ARHGAP12: variants seen among roughly 807,000 people sequenced by gnomAD.
ARHGAP12 encodes the protein rho GTPase-activating protein 12.
Under a neutral mutation model 108.6 loss-of-function variants are expected in ARHGAP12, and 64 were observed. The observed-to-expected ratio is 0.59, with a 90% CI of 0.48 to 0.73. The LOEUF is 0.73. Among genes scored for constraint, ARHGAP12 ranks in the 30% least tolerant of loss-of-function variants. The probability of loss-of-function intolerance (pLI) is 0.00; values close to 1 mark genes in which losing one functional copy is unlikely to be tolerated. For synonymous variants in ARHGAP12, 312 were observed against 337.2 expected, an observed-to-expected ratio of 0.93 and a Z score of 0.82; for missense variants, 940 against 1,005.9, an observed-to-expected ratio of 0.93 and a Z score of 0.89.
intron 3 of ARHGAP12, among the ~76,000 whole-genome samples, chr10:31,895,552 A>G (rs1031767074): frequency 3.9e-5 from 6 of 152,232 alleles, no homozygotes; most frequent in African/African-American, 1.2e-4. Context: ...ATACCATCTC[A>G]CACCAGTTAG....
At chr10:31,808,467 C>T in intron 19 of ARHGAP12, 182 bp downstream of exon 19, 1 of 537,030 alleles carries the variant, frequency 1.9e-6, no homozygotes, top group South Asian at 2.2e-5. Context: ...CTGTATTCTT[C>T]ATAGCAAATC....
At chr10:31,823,851 A>AAG in intron 11 of ARHGAP12, among the ~76,000 whole-genome samples, 1 of 152,162 alleles carries the variant, frequency 6.6e-6, no homozygotes, top group Non-Finnish European at 1.5e-5. Flanking sequence ...TTTTTGGCTT[A>AAG]CATTTTAGCC....
chr10:31,888,819 AAG>A (rs1204339883), intron 3 of ARHGAP12, among the ~76,000 whole-genome samples: 2 of 152,228 alleles, frequency 1.3e-5, no homozygotes, highest in East Asian at 1.9e-4. Context: ...GGTTAAGAAA[AAG>A]AGAGATTAAT....
At position 31,808,972 on chromosome 10, in the gene ARHGAP12, CTG is replaced by C; in HGVS notation, c.2263+20_2263+21del. On this transcript the variant is annotated intron_variant, in intron 18 of 19. Coordinates refer to ENST00000344936, the MANE Select transcript of ARHGAP12 (RefSeq NM_018287.7). ...AAGAATTTTCAATATCTAGAAAAAA[CTG>C]AGTAGAATTACATACTTACTAATTG... The C allele has an allele frequency of 6.5e-7, 1 of 1,542,996 alleles. No individual in the cohort carries two copies. Among genetic ancestry groups the C allele is most frequent in the Non-Finnish European group, 8.8e-7 (1 of 1,135,524 alleles).
chr10:31,923,639 A>T (rs1839912744), intron 1 of ARHGAP12, among the ~76,000 whole-genome samples: 2 of 152,260 alleles, frequency 1.3e-5, no homozygotes, highest in South Asian at 4.1e-4. Flanking sequence ...AACTGGGTGA[A>T]TCTCAAAATA....
At chr10:31,829,983 T>G (rs1835769730) in intron 10 of ARHGAP12, among the ~76,000 whole-genome samples, 1 of 150,114 alleles carries the variant, frequency 6.7e-6, no homozygotes, top group Admixed American at 6.8e-5. Flanking sequence ...TCATCTGTTT[T>G]CCATTAAGCC....
chr10:31,877,958 C>T (rs1837797972), intron 3 of ARHGAP12, among the ~76,000 whole-genome samples: 1 of 152,074 alleles, frequency 6.6e-6, no homozygotes, highest in South Asian at 2.1e-4. Flanking sequence ...GTGACACATG[C>T]CTGTATTTCC....
Position 31,908,682 on chromosome 10 carries a change from G to A in ARHGAP12, c.174C>T (p.Asn58=), listed in dbSNP as rs1410952587. 9.3e-6 allele frequency: 15 copies of A among 1,613,932 alleles called. No individual in the cohort carries two copies. In the East Asian group the frequency reaches 3.3e-4, roughly 36 times the overall value. Residue 58 remains asparagine (N), a synonymous_variant, in exon 3 of 20, where the codon AAC becomes AAT. Transcript: ENST00000344936. ...DDWWQVKPDE[N]SKAFYVPAQY... ...GGGCTGGCACATAAAACGCTTTGGA[G>A]TTTTCATCTGGCTTGACTTGCCACC...
At chr10:31,895,691 A>G (rs904419956) in intron 3 of ARHGAP12, among the ~76,000 whole-genome samples, 1 of 152,230 alleles carries the variant, frequency 6.6e-6, no homozygotes, top group Non-Finnish European at 1.5e-5. Context: ...CGATTCCTCA[A>G]GGATCTAGAA....
intron 9 of ARHGAP12, 22 bp from the exon 10 acceptor site, chr10:31,831,822 T>C: frequency 6.9e-7 from 1 of 1,449,338 alleles, no homozygotes; most frequent in Non-Finnish European, 9.5e-7. Context: ...AGTAATACTG[T>C]TTATACAATC....
chr10:31,832,354 G>A (rs1308162132), intron 9 of ARHGAP12, among the ~76,000 whole-genome samples: 3 of 152,148 alleles, frequency 2.0e-5, no homozygotes, highest in Non-Finnish European at 4.4e-5. Context: ...GCTTCATTAA[G>A]CATATTATCA....
chr10:31,875,500 G>C (rs547371614), intron 3 of ARHGAP12, among the ~76,000 whole-genome samples: 1 of 152,226 alleles, frequency 6.6e-6, no homozygotes, highest in African/African-American at 2.4e-5. Flanking sequence ...AAAAGACAAA[G>C]GATTGGGTAG....
intron 13 of ARHGAP12, among the ~76,000 whole-genome samples, chr10:31,817,337 G>C (rs534819991): frequency 1.3e-5 from 2 of 152,296 alleles, no homozygotes; most frequent in South Asian, 4.1e-4. Flanking sequence ...CAAGGGTACT[G>C]AACAGCTTGG....
chr10:31,806,558 T>C lies in ARHGAP12; in HGVS notation c.*1100A>G, dbSNP rs1564360419. 6.6e-6 allele frequency: 1 copy of C among 152,586 alleles called. No homozygotes were observed. 9.5% of individuals were successfully genotyped at this position (152,586 alleles called of 1,614,324 possible). On this transcript the variant is annotated 3_prime_UTR_variant, in exon 20 of 20. Coordinates refer to ENST00000344936, the MANE Select transcript of ARHGAP12 (RefSeq NM_018287.7). ...TCATACTGGAATTAGAATTCTGTAA[T>C]AAATTTTTTCTAATGTTTTCTGTAC...
At chr10:31,893,381 C>G (rs1838539958) in intron 3 of ARHGAP12, among the ~76,000 whole-genome samples, 1 of 152,044 alleles carries the variant, frequency 6.6e-6, no homozygotes, top group Admixed American at 6.5e-5. Flanking sequence ...AGAGAAGAAT[C>G]AAATAGACGC....
At chr10:31,807,930 G>T in intron 19 of ARHGAP12, 98 bp from the exon 20 acceptor site, 2 of 898,628 alleles carry the variant, frequency 2.2e-6, no homozygotes. Context: ...TTTAAAAAGA[G>T]AAGTAATACT....
At chr10:31,853,918 T>A (rs1034368205) in intron 5 of ARHGAP12, 148 bp downstream of exon 5, 1 of 842,950 alleles carries the variant, frequency 1.2e-6, no homozygotes, top group African/African-American at 1.7e-5. Flanking sequence ...TACACTGAGT[T>A]TTCGTATTGT....
intron 3 of ARHGAP12, among the ~76,000 whole-genome samples, chr10:31,880,485 CTT>C (rs924922867): frequency 6.8e-6 from 1 of 146,076 alleles, no homozygotes; most frequent in African/African-American, 2.4e-5. Context: ...AAAAAAAACA[CTT>C]TTGTTTAATT....
At chr10:31,861,790 G>T in intron 3 of ARHGAP12, 132 bp from the exon 4 acceptor site, 1 of 834,738 alleles carries the variant, frequency 1.2e-6, no homozygotes, top group Non-Finnish European at 1.7e-6. Flanking sequence ...ATATTCTGAG[G>T]AAATAATAAT....
Sources: allele counts gnomAD v4.1 joint callset (sites outside exome capture counted in the v4.1 genomes callset), GRCh38; gene constraint gnomAD v4.1.1; transcripts MANE v1.5; gene names NCBI Gene and HGNC (gene_info 2026-07-23, HGNC 2026-07-21).